CFAP54: variants seen among roughly 807,000 people sequenced by gnomAD.
CFAP54 encodes cilia- and flagella-associated protein 54.
Under a neutral mutation model 370.4 loss-of-function variants are expected in CFAP54, and 290 were observed. The ratio of observed to expected loss-of-function variants is 0.78; its 90% CI spans 0.71 to 0.86. CFAP54 has a LOEUF of 0.86. CFAP54 is among the 40% of genes least tolerant of loss of function. The pLI is 0.00. For missense variants in CFAP54, 3,399 were observed against 3,528.7 expected (o/e 0.96, Z 0.93); for synonymous variants, 1,206 against 1,236.5 (o/e 0.98, Z 0.52).
chr12:96,529,959 T>C (rs1478254723), intron 9 of CFAP54, among the ~76,000 whole-genome samples: 2 of 152,254 alleles, frequency 1.3e-5, no homozygotes, highest in Admixed American at 6.5e-5. Flanking sequence ...TTATTGTTTC[T>C]TCCTTAAGTT....
At chr12:96,598,602 G>T in intron 25 of CFAP54, 43 bp from the exon 26 acceptor site, 1 of 570,088 alleles carries the variant, frequency 1.8e-6, no homozygotes, top group South Asian at 2.4e-5. Flanking sequence ...AATGAGTAAG[G>T]ATGACATTTT....
chr12:96,749,369 T>A (rs966739376), intron 55 of CFAP54, among the ~76,000 whole-genome samples: 7 of 152,214 alleles, frequency 4.6e-5, no homozygotes, highest in African/African-American at 1.7e-4. Context: ...CCTCCCAAAG[T>A]CTCTGCCTCT....
At chr12:96,500,723 A>T (rs1012934441) in intron 1 of CFAP54, 111 bp from the exon 2 acceptor site, 29 of 609,812 alleles carry the variant, frequency 4.8e-5, no homozygotes, top group Middle Eastern at 5.3e-4. Context: ...ATTAACAATA[A>T]GGCACATTGG....
chr12:96,503,865 C>T lies in CFAP54; in HGVS notation c.424-21C>T, dbSNP rs188842847. 3.2e-5 allele frequency: 47 copies of T among 1,461,062 alleles called. No individual in the cohort carries two copies. In the African/African-American group the frequency reaches 5.9e-4, roughly 18 times the overall value. The allele number at this position is 1,461,062 out of a possible 1,614,324, so 90.5% of individuals were successfully genotyped here. A position where few individuals can be genotyped will look rare whatever the true frequency, so the allele number is the denominator to read the frequency against. ...CTAAATGATATTTTGGAACTTTAAT[C>T]AAGTACTCCTTTTGTTTCAGGAATA... On this transcript the variant is annotated intron_variant, in intron 2 of 67. Coordinates refer to ENST00000524981, the MANE Select transcript of CFAP54 (RefSeq NM_001306084.2).
chr12:96,737,936 A>C (rs1818506098), intron 50 of CFAP54, among the ~76,000 whole-genome samples: 2 of 152,152 alleles, frequency 1.3e-5, no homozygotes, highest in South Asian at 4.1e-4. Flanking sequence ...AGGAGGAGCG[A>C]GCATGGAAGG....
At position 96,693,724 on chromosome 12, in the gene CFAP54, T is replaced by TC; in HGVS notation, c.6268dup (p.Leu2090ProfsTer40). 1 of 1,572,856 alleles carries TC rather than the reference T, an allele frequency of 6.4e-7. No homozygotes were observed. Among genetic ancestry groups the TC allele is most frequent in the Non-Finnish European group, 8.7e-7 (1 of 1,148,444 alleles). ...AAAGAGTGTTTTTCTCCTGATAGGT[T>TC]CTGCCTCTCCTTGCATTGTATCAAT... On this transcript the variant is annotated frameshift_variant, in exon 45 of 68. Coordinates refer to ENST00000524981, the MANE Select transcript of CFAP54 (RefSeq NM_001306084.2). LOFTEE classifies it high-confidence loss of function.
chr12:96,651,908 T>A, intron 36 of CFAP54, 93 bp downstream of exon 36: 9 of 782,502 alleles, frequency 1.2e-5, no homozygotes, highest in Non-Finnish European at 1.8e-5. Flanking sequence ...TTTTTTTTAT[T>A]TCTCATTTGG....
At position 96,650,299 on chromosome 12, in the gene CFAP54, C is replaced by T. The variant is rs539842411; in HGVS notation, c.4872+227C>T. ...GGCAGAGGGGGGAAGCTTCTTTAGT[C>T]ATTGCCAGCCATCCACCCAGAGCCC... On this transcript the variant is annotated intron_variant, in intron 35 of 67. Transcript: ENST00000524981. 4.9e-4 allele frequency among the ~76,000 whole-genome samples: 74 copies of T among 152,228 alleles called. 1 individual carries two copies. Among genetic ancestry groups the T allele is most frequent in the Middle Eastern group, 3.4e-3 (1 of 294 alleles).
rs12582598 is a variant in CFAP54 at position 96,583,438 on chromosome 12, T to C, written c.3075+2333T>C. On this transcript the variant is annotated intron_variant, in intron 22 of 67. Coordinates refer to ENST00000524981, the MANE Select transcript of CFAP54 (RefSeq NM_001306084.2). ...ATGGATGTAAGACAAAATGCCATAT[T>C]TGAGTGAATTGTTGAACTACCAAAT... is the stretch of plus-strand genomic sequence containing the variant. 9.5e-3 allele frequency among the ~76,000 whole-genome samples: 1,451 copies of C among 152,182 alleles called. 56 individuals carry two copies. The East Asian group carries it at 0.1, about 10-fold the overall frequency.
intron 15 of CFAP54, among the ~76,000 whole-genome samples, chr12:96,551,510 T>TGC (rs1955694464): frequency 6.6e-6 from 1 of 151,772 alleles, no homozygotes; most frequent in Admixed American, 6.6e-5. Flanking sequence ...TGTGTGTGTG[T>TGC]GTGTGTGTGT....
chr12:96,734,141 A>C (rs1300665883), intron 50 of CFAP54, among the ~76,000 whole-genome samples: 1 of 152,222 alleles, frequency 6.6e-6, no homozygotes, highest in Non-Finnish European at 1.5e-5. Flanking sequence ...CAAATATCTA[A>C]ACCATTTTAA....
intron 17 of CFAP54, 133 bp downstream of exon 17, chr12:96,554,935 C>T: frequency 1.4e-6 from 1 of 718,398 alleles, no homozygotes; most frequent in Non-Finnish European, 2.0e-6. Context: ...TTCTACTTCC[C>T]TAATTAATAT....
chr12:96,656,547 A>G (rs1956925519), intron 36 of CFAP54, among the ~76,000 whole-genome samples: 1 of 152,036 alleles, frequency 6.6e-6, no homozygotes, highest in South Asian at 2.1e-4. Context: ...ACACCCAGCT[A>G]ATTTTGTATT....
intron 3 of CFAP54, among the ~76,000 whole-genome samples, chr12:96,506,300 T>C (rs777716890): frequency 1.4e-5 from 2 of 146,406 alleles, no homozygotes; most frequent in African/African-American, 2.5e-5. Context: ...GGTCAGCCAC[T>C]GCACTCCAAC....
At chr12:96,667,227 C>T (rs752030592) in intron 39 of CFAP54, among the ~76,000 whole-genome samples, 3 of 152,086 alleles carry the variant, frequency 2.0e-5, no homozygotes, top group Non-Finnish European at 2.9e-5. Context: ...AAGCTGTCAC[C>T]GGATCTATCA....
intron 67 of CFAP54, among the ~76,000 whole-genome samples, chr12:96,866,773 C>T (rs1374088091): frequency 6.6e-6 from 1 of 152,108 alleles, no homozygotes; most frequent in Admixed American, 6.6e-5. Context: ...ATAAGTTACC[C>T]AGAAGTCAAC....
chr12:96,689,113 C>T (rs983183138), intron 43 of CFAP54, 131 bp downstream of exon 43: 2 of 533,098 alleles, frequency 3.8e-6, no homozygotes, highest in Non-Finnish European at 6.5e-6. Flanking sequence ...TATGACAAGC[C>T]CGTCTTTCTC....
At chr12:96,870,642 G>A (rs867110593) in intron 67 of CFAP54, among the ~76,000 whole-genome samples, 1 of 152,138 alleles carries the variant, frequency 6.6e-6, no homozygotes, top group Admixed American at 6.5e-5. Context: ...GTTCGTTTCT[G>A]TCTAGAAGGA....
chr12:96,507,478 G>A (rs1955115962), intron 4 of CFAP54, among the ~76,000 whole-genome samples: 1 of 151,736 alleles, frequency 6.6e-6, no homozygotes, highest in African/African-American at 2.4e-5. Flanking sequence ...TCTACAAAGT[G>A]ACCTCCTCCT....
Sources: gnomAD v4.1 joint callset for allele counts (sites outside exome capture counted in the v4.1 genomes callset) on GRCh38, gnomAD v4.1.1 for gene constraint, MANE v1.5 for transcripts, NCBI Gene and HGNC (gene_info 2026-07-23, HGNC 2026-07-21) for gene names.